FNBP1L: variants seen among roughly 807,000 people sequenced by gnomAD.
FNBP1L encodes formin binding protein 1 like.
FNBP1L carries 36 observed loss-of-function variants against 91.2 expected under a neutral mutation model. The ratio of observed to expected loss-of-function variants is 0.39; its 90% CI spans 0.30 to 0.52. The LOEUF (loss-of-function observed/expected upper bound fraction) is 0.52. Among genes scored for constraint, FNBP1L ranks in the 20% least tolerant of loss-of-function variants. The pLI is 0.66. For synonymous variants in FNBP1L, 242 were observed against 237.0 expected (o/e 1.02, Z -0.19); for missense variants, 571 against 732.1 (o/e 0.78, Z 2.54).
At chr1:93,451,608 A>T (rs139167669) in intron 1 of FNBP1L, among the ~76,000 whole-genome samples, 53 of 152,262 alleles carry the variant, frequency 3.5e-4, no homozygotes, top group African/African-American at 1.2e-3. Context: ...CCCTTAGTTT[A>T]AGAATGTGTA....
In FNBP1L at chr1:93,478,306, CAGAG is replaced by C. The variant is rs373065741; in HGVS notation, c.25-21151_25-21148del. ...CTGGAATGGTAAGTCAGAGCCTAAG[CAGAG>C]AGAGAGAGAGGACAGCCTCCATGTG... On this transcript the variant is annotated intron_variant, in intron 1 of 16. Coordinates refer to ENST00000271234, the MANE Select transcript of FNBP1L (RefSeq NM_001164473.3). Among the ~76,000 whole-genome samples, 573 of 150,918 alleles carry C rather than the reference CAGAG, an allele frequency of 3.8e-3. 9 individuals are homozygous for C. Among genetic ancestry groups the C allele is most frequent in the African/African-American group, 0.013 (539 of 41,296 alleles).
chr1:93,541,132 C>G (rs1435330317), intron 11 of FNBP1L, 76 bp downstream of exon 11: 1 of 1,400,930 alleles, frequency 7.1e-7, no homozygotes, highest in African/African-American at 1.4e-5. Context: ...TAATTCAAAA[C>G]AAGTGGTAAA....
chr1:93,543,660 A>G (rs1352430985), intron 11 of FNBP1L, among the ~76,000 whole-genome samples: 1 of 152,134 alleles, frequency 6.6e-6, no homozygotes, highest in African/African-American at 2.4e-5. Flanking sequence ...AACATTCTGA[A>G]TGTCATGGCA....
intron 15 of FNBP1L, 57 bp downstream of exon 15, chr1:93,549,483 C>A: frequency 7.6e-7 from 1 of 1,323,824 alleles, no homozygotes; most frequent in Non-Finnish European, 1.0e-6. Context: ...AAAGTATTTA[C>A]ATCAAGTCAC....
Position 93,523,395 on chromosome 1 carries a change from T to G in FNBP1L, c.246T>G (p.Tyr82Ter). 6.2e-7 allele frequency: 1 copy of G among 1,609,500 alleles called. No individual in the cohort carries two copies. The highest frequency in any genetic ancestry group is 8.5e-7 in the Non-Finnish European group (1 of 1,177,704). ...FFNILNELND[Y>*]AGQREVVAEE... ...ATATCCTTAATGAGTTAAATGACTA[T>G]GCAGGACAGCGAGAAGTTGTAGCAG... Residue 82 changes from tyrosine (Y) to a stop codon, truncating the protein, a stop_gained, in exon 4 of 17, where the codon TAT (tyrosine) becomes TAG (stop). Coordinates refer to ENST00000271234, the MANE Select transcript of FNBP1L (RefSeq NM_001164473.3). LOFTEE classifies it high-confidence loss of function.
chr1:93,470,155 A>G (rs1669237124), intron 1 of FNBP1L, among the ~76,000 whole-genome samples: 1 of 151,614 alleles, frequency 6.6e-6, no homozygotes, highest in Non-Finnish European at 1.5e-5. Flanking sequence ...TTTTTTTGAG[A>G]TGGGTCTAGC....
chr1:93,550,005 T>G (rs199887497), intron 15 of FNBP1L, among the ~76,000 whole-genome samples: 83 of 152,252 alleles, frequency 5.5e-4, no homozygotes, highest in Non-Finnish European at 1.0e-3. Context: ...TCCTGCAGAT[T>G]TTTAGTTCCT....
intron 10 of FNBP1L, among the ~76,000 whole-genome samples, chr1:93,538,538 T>G (rs1000990982): frequency 3.9e-5 from 6 of 152,052 alleles, no homozygotes; most frequent in African/African-American, 1.4e-4. Flanking sequence ...GGATTACAAC[T>G]TGGAGGTTGA....
chr1:93,541,086 T>G, intron 11 of FNBP1L, 30 bp downstream of exon 11: 1 of 1,531,008 alleles, frequency 6.5e-7, no homozygotes, highest in Non-Finnish European at 8.8e-7. Flanking sequence ...CTATATACTG[T>G]GCCAACATTA....
chr1:93,462,706 A>G (rs1484500302), intron 1 of FNBP1L, among the ~76,000 whole-genome samples: 1 of 152,118 alleles, frequency 6.6e-6, no homozygotes, highest in Non-Finnish European at 1.5e-5. Context: ...ACCATATGCC[A>G]TTTGCATTAC....
At chr1:93,507,993 T>G (rs1021015506) in intron 2 of FNBP1L, among the ~76,000 whole-genome samples, 4 of 151,550 alleles carry the variant, frequency 2.6e-5, no homozygotes, top group African/African-American at 9.7e-5. Context: ...TATATGATCA[T>G]TATAACATTT....
chr1:93,508,630 T>C (rs1021406440), intron 2 of FNBP1L, among the ~76,000 whole-genome samples: 7 of 152,282 alleles, frequency 4.6e-5, no homozygotes, highest in African/African-American at 1.7e-4. Context: ...AATACAGTTA[T>C]TTTCTTCCTC....
chr1:93,542,294 C>T (rs1672072289), intron 11 of FNBP1L, among the ~76,000 whole-genome samples: 1 of 151,854 alleles, frequency 6.6e-6, no homozygotes, highest in Admixed American at 6.6e-5. Context: ...CTACAAAAAA[C>T]CTTCAACTCC....
intron 2 of FNBP1L, among the ~76,000 whole-genome samples, chr1:93,516,859 G>T (rs1000641041): frequency 2.0e-5 from 3 of 152,106 alleles, no homozygotes; most frequent in African/African-American, 7.2e-5. Flanking sequence ...AACCCCATTT[G>T]TAGGTGGGAG....
rs1244348683 is a variant in FNBP1L at position 93,554,356 on chromosome 1, C to T, written c.*1940C>T. 2 of 152,590 alleles carry T rather than the reference C, an allele frequency of 1.3e-5. No individual in the cohort carries two copies. Among genetic ancestry groups the T allele is most frequent in the African/African-American group, 4.8e-5 (2 of 41,436 alleles). 9.5% of individuals were successfully genotyped at this position (152,590 alleles called of 1,614,324 possible). ...GACTTTCTTGTAAGGACTAACTGTT[C>T]TTTTCAAGCTACTGTTTGTTTTTCT... On this transcript the variant is annotated 3_prime_UTR_variant, in exon 17 of 17. Transcript: ENST00000271234.
At chr1:93,537,308 G>T (rs367857719) in intron 10 of FNBP1L, among the ~76,000 whole-genome samples, 6 of 151,986 alleles carry the variant, frequency 3.9e-5, no homozygotes, top group Non-Finnish European at 7.4e-5. Flanking sequence ...TTTCAATGTC[G>T]TAAGAAGCCT....
At chr1:93,551,598 T>C in intron 16 of FNBP1L, 1 of 985,334 alleles carries the variant, frequency 1.0e-6, no homozygotes, top group Non-Finnish European at 1.2e-6. Flanking sequence ...AGAAAAATAG[T>C]AGTTGGATAA....
At chr1:93,500,251 C>T (rs1273511014) in intron 2 of FNBP1L, among the ~76,000 whole-genome samples, 4 of 152,164 alleles carry the variant, frequency 2.6e-5, no homozygotes, top group Non-Finnish European at 5.9e-5. Flanking sequence ...AACAGGCATA[C>T]ATGACTACAA....
At chr1:93,479,166 A>G (rs1669603812) in intron 1 of FNBP1L, among the ~76,000 whole-genome samples, 1 of 152,214 alleles carries the variant, frequency 6.6e-6, no homozygotes, top group East Asian at 1.9e-4. Context: ...CGGTAGGTCC[A>G]TGATGCCTAC....
Sources: allele counts gnomAD v4.1 joint callset (sites outside exome capture counted in the v4.1 genomes callset), GRCh38; gene constraint gnomAD v4.1.1; transcripts MANE v1.5; gene names NCBI Gene and HGNC (gene_info 2026-07-23, HGNC 2026-07-21).